Variants in GCNT4 observed in about 807,000 individuals in gnomAD.
GCNT4 encodes beta-1,3-galactosyl-O-glycosyl-glycoprotein beta-1,6-N-acetylglucosaminyltransferase 4.
GCNT4 carries 17 observed loss-of-function variants against 31.3 expected under a neutral mutation model. The ratio of observed to expected loss-of-function variants is 0.54; its 90% CI spans 0.37 to 0.81. GCNT4 has a LOEUF of 0.81. Among genes scored for constraint, GCNT4 ranks in the 40% least tolerant of loss-of-function variants. The probability of loss-of-function intolerance (pLI) is 0.00; values close to 1 mark genes in which losing one functional copy is unlikely to be tolerated. For missense variants in GCNT4, 503 were observed against 525.5 expected (o/e 0.96, Z 0.42); for synonymous variants, 158 against 190.6 (o/e 0.83, Z 1.41).
At position 75,029,161 on chromosome 5, in the gene GCNT4, G is replaced by A. The variant is rs1337798255; in HGVS notation, c.877C>T (p.Pro293Ser). 1.9e-6 allele frequency: 3 copies of A among 1,613,770 alleles called. No individual in the cohort carries two copies. In the African/African-American group the frequency reaches 4.0e-5, roughly 22 times the overall value. ...IRTNISKEAP[P>S]HNIQIFVGSA... is the part of the protein sequence containing the mutation. The stretch of plus-strand genomic sequence containing the variant: ...CCAACAAATATCTGAATGTTATGGG[G>A]GGGTGCTTCCTTGGAGATGTTTGTC... The change falls in exon 4 of 4, where the codon CCC becomes TCC. Residue 293 changes from proline (P) to serine (S), a missense_variant. By Grantham distance (74) the Pro-to-Ser change is moderately conservative. Coordinates refer to ENST00000652361, the MANE Select transcript of GCNT4 (RefSeq NM_001366737.1).
intron 3 of GCNT4, 79 bp from the exon 4 acceptor site, chr5:75,030,117 CTACCACA>C (rs1743030647): frequency 7.6e-7 from 1 of 1,316,220 alleles, no homozygotes; most frequent in African/African-American, 1.5e-5. Context: ...TACTGGGCGC[CTACCACA>C]TACTAGGCAA....
At chr5:75,045,604 C>T (rs1171939147) in intron 3 of GCNT4, among the ~76,000 whole-genome samples, 1 of 152,232 alleles carries the variant, frequency 6.6e-6, no homozygotes, top group Non-Finnish European at 1.5e-5. Flanking sequence ...GGTGTACAAA[C>T]ACCTGTTTGA....
intron 3 of GCNT4, chr5:75,030,571 T>C (rs1743039602): frequency 5.9e-6 from 1 of 168,148 alleles, no homozygotes; most frequent in Non-Finnish European, 1.5e-5. Flanking sequence ...AAAGGAGCTA[T>C]GCTAAGTATT....
In GCNT4 at chr5:75,027,409, CATAA is replaced by C. The variant is rs1301597651; in HGVS notation, c.*1263_*1266del. On this transcript the variant is annotated 3_prime_UTR_variant, in exon 4 of 4. Transcript: ENST00000652361. ...GAATTGTTCTATATATAATATATAA[CATAA>C]ATATATATTACATATATATAAAATA... 2 of 139,650 alleles carry C rather than the reference CATAA, an allele frequency of 1.4e-5. No homozygotes were observed. Among genetic ancestry groups the C allele is most frequent in the African/African-American group, 2.6e-5 (1 of 37,796 alleles). 8.7% of individuals were successfully genotyped at this position (139,650 alleles called of 1,614,324 possible).
intron 3 of GCNT4, chr5:75,030,244 A>G (rs1743032682): frequency 3.8e-6 from 2 of 532,604 alleles, no homozygotes; most frequent in Admixed American, 3.7e-5. Context: ...TGTGTTAACT[A>G]TACCTAATTT....
downstream of GCNT4, among the ~76,000 whole-genome samples, chr5:75,023,313 A>G (rs1030971380): frequency 5.3e-5 from 8 of 152,344 alleles, no homozygotes; most frequent in African/African-American, 1.9e-4. Flanking sequence ...ACAATTTCAC[A>G]TAAGTAGAGG....
the GCNT4 span, among the ~76,000 whole-genome samples, chr5:75,017,009 A>T: frequency 6.6e-6 from 1 of 152,218 alleles, no homozygotes; most frequent in Non-Finnish European, 1.5e-5. Flanking sequence ...GAGGAGCAGT[A>T]ACAATTAATC....
chr5:75,021,922 A>C (rs969860600), downstream of GCNT4, among the ~76,000 whole-genome samples: 1 of 152,182 alleles, frequency 6.6e-6, no homozygotes, highest in Non-Finnish European at 1.5e-5. Context: ...TGTTGCCTGT[A>C]AATTATATCA....
intron 3 of GCNT4, among the ~76,000 whole-genome samples, chr5:75,046,478 A>G (rs1371766491): frequency 6.6e-6 from 1 of 152,150 alleles, no homozygotes; most frequent in Non-Finnish European, 1.5e-5. Flanking sequence ...CTCTGCTTCA[A>G]TCTGAAGGAG....
At chr5:75,049,756 G>C (rs1743525006) in intron 2 of GCNT4, among the ~76,000 whole-genome samples, 1 of 152,184 alleles carries the variant, frequency 6.6e-6, no homozygotes, top group African/African-American at 2.4e-5. Flanking sequence ...CCTGACACTT[G>C]TTGACACATT....
At chr5:75,043,261 T>C (rs1743359252) in intron 3 of GCNT4, among the ~76,000 whole-genome samples, 1 of 152,226 alleles carries the variant, frequency 6.6e-6, no homozygotes, top group Admixed American at 6.5e-5. Context: ...TAAAACAGTA[T>C]GGTCTGGTGC....
At chr5:75,019,297 T>G in the GCNT4 span, among the ~76,000 whole-genome samples, 1 of 152,190 alleles carries the variant, frequency 6.6e-6, no homozygotes, top group Admixed American at 6.5e-5. Flanking sequence ...ACACACCAGA[T>G]CTGCCAGCAC....
rs189203946 is a variant in GCNT4 at position 75,028,618 on chromosome 5, C to G, written c.*58G>C. The G allele has an allele frequency of 1.1e-5, 16 of 1,474,638 alleles. No homozygotes were observed. In the Admixed American group the frequency reaches 2.9e-4, roughly 27 times the overall value. The allele number at this position is 1,474,638 out of a possible 1,614,324, so 91.3% of individuals were successfully genotyped here. Reference sequence around the variant, plus strand: ...ACAGTATTGGGCATAGTATGGTATTCAATTCCACACTGACTCCATTTATCA... The same window carrying G: ...ACAGTATTGGGCATAGTATGGTATTGAATTCCACACTGACTCCATTTATCA... On this transcript the variant is annotated 3_prime_UTR_variant, in exon 4 of 4. Transcript: ENST00000652361.
intron 2 of GCNT4, among the ~76,000 whole-genome samples, chr5:75,049,932 T>G (rs947837043): frequency 9.2e-5 from 14 of 152,238 alleles, no homozygotes; most frequent in Non-Finnish European, 7.3e-5. Flanking sequence ...CCACCAGCAC[T>G]AAGGTTTACT....
chr5:75,053,201 C>T (rs1454019457), upstream of GCNT4, among the ~76,000 whole-genome samples: 4 of 142,926 alleles, frequency 2.8e-5, no homozygotes, highest in South Asian at 2.2e-4. Flanking sequence ...GAAGTTGCGG[C>T]GTCTGCTAGG....
rs747487529 is a variant in GCNT4 at position 75,025,615 on chromosome 5, T to C, written c.*3061A>G. On this transcript the variant is annotated 3_prime_UTR_variant, in exon 4 of 4. Transcript: ENST00000652361. ...CATTCACTTACACTCACAAAGTGGA[T>C]TATCATTTTTATTTTCCATGAAATA... is the stretch of plus-strand genomic sequence containing the variant. The C allele has an allele frequency of 4.6e-5, 7 of 152,230 alleles. No homozygotes were observed. The highest frequency in any genetic ancestry group is 1.7e-4 in the African/African-American group (7 of 41,464). The allele number at this position is 152,230 out of a possible 1,614,324, so 9.4% of individuals were successfully genotyped here. A position where few individuals can be genotyped will look rare whatever the true frequency, so the allele number is the denominator to read the frequency against.
chr5:75,032,875 GTGTGTGT>G (rs1561374211), intron 3 of GCNT4, among the ~76,000 whole-genome samples: 14 of 60,540 alleles, frequency 2.3e-4, no homozygotes, highest in East Asian at 9.0e-4. Flanking sequence ...AAATAGGGGT[GTGTGTGT>G]GTGTGTGTGT....
At chr5:75,053,576 G>C (rs1743639108), upstream of GCNT4, among the ~76,000 whole-genome samples, 1 of 152,076 alleles carries the variant, frequency 6.6e-6, no homozygotes, top group Non-Finnish European at 1.5e-5. Flanking sequence ...GCCCCGGCGG[G>C]GGCCGAGGGT....
intron 3 of GCNT4, 82 bp from the exon 4 acceptor site, chr5:75,030,120 C>A (rs1167046862): frequency 7.6e-7 from 1 of 1,312,608 alleles, no homozygotes; most frequent in Non-Finnish European, 1.1e-6. Flanking sequence ...TGGGCGCCTA[C>A]CACATACTAG....
Sources: gnomAD v4.1 joint callset for allele counts (sites outside exome capture counted in the v4.1 genomes callset) on GRCh38, gnomAD v4.1.1 for gene constraint, MANE v1.5 for transcripts, NCBI Gene and HGNC (gene_info 2026-07-23, HGNC 2026-07-21) for gene names.